LHFPL3: variants seen among roughly 807,000 people sequenced by gnomAD.
LHFPL3 encodes LHFPL tetraspan subfamily member 3 protein.
LHFPL3 carries 5 observed loss-of-function variants against 19.3 expected under a neutral mutation model. That is an observed-to-expected ratio of 0.26 (90% confidence interval 0.14 to 0.54). The LOEUF (loss-of-function observed/expected upper bound fraction) is 0.54, where lower values mean the gene tolerates loss of function less well. Among genes scored for constraint, LHFPL3 ranks in the 20% least tolerant of loss-of-function variants. The pLI is 0.94. For synonymous variants in LHFPL3, 133 were observed against 126.2 expected, an observed-to-expected ratio of 1.05 and a Z score of -0.36; for missense variants, 249 against 307.4, an observed-to-expected ratio of 0.81 and a Z score of 1.42.
chr7:104,714,939 AT>A (rs1158877553), intron 1 of LHFPL3, among the ~76,000 whole-genome samples: 1 of 152,186 alleles, frequency 6.6e-6, no homozygotes, highest in Non-Finnish European at 1.5e-5. Flanking sequence ...ACATATATAC[AT>A]ATCTATATTT....
intron 1 of LHFPL3, among the ~76,000 whole-genome samples, chr7:104,498,430 G>A (rs1484079142): frequency 6.6e-6 from 1 of 151,578 alleles, no homozygotes; most frequent in African/African-American, 2.4e-5. Context: ...ACATTTAATC[G>A]CCAGTGAATT....
At chr7:104,738,177 C>T (rs1424855619) in intron 2 of LHFPL3, among the ~76,000 whole-genome samples, 1 of 152,132 alleles carries the variant, frequency 6.6e-6, no homozygotes, top group Admixed American at 6.6e-5. Context: ...GGGAGTGGTG[C>T]TGAAACTTCC....
At chr7:104,583,606 A>G (rs1790505998) in intron 1 of LHFPL3, among the ~76,000 whole-genome samples, 1 of 152,192 alleles carries the variant, frequency 6.6e-6, no homozygotes, top group Admixed American at 6.5e-5. Context: ...ACCCAAACAA[A>G]TTTACAAGAA....
intron 1 of LHFPL3, among the ~76,000 whole-genome samples, chr7:104,392,761 G>C (rs543360489): frequency 3.9e-5 from 6 of 152,248 alleles, no homozygotes; most frequent in South Asian, 2.1e-4. Context: ...AGAAGGAATG[G>C]TACCAGCTCC....
At chr7:104,510,944 T>C (rs1038089888) in intron 1 of LHFPL3, among the ~76,000 whole-genome samples, 1 of 151,970 alleles carries the variant, frequency 6.6e-6, no homozygotes, top group Non-Finnish European at 1.5e-5. Flanking sequence ...AAAATAACTA[T>C]TGGGTACTAG....
intron 1 of LHFPL3, among the ~76,000 whole-genome samples, chr7:104,538,368 G>A (rs34386508): frequency 0.012 from 1,817 of 152,242 alleles, 14 homozygotes; most frequent in East Asian, 0.027. Flanking sequence ...GCTGAGTTAC[G>A]AAAGCTAGAG....
chr7:104,851,025 C>A (rs1562814332), intron 2 of LHFPL3, among the ~76,000 whole-genome samples: 1 of 152,164 alleles, frequency 6.6e-6, no homozygotes, highest in Non-Finnish European at 1.5e-5. Flanking sequence ...AGGAATAGCA[C>A]CACCTTTGCT....
intron 2 of LHFPL3, among the ~76,000 whole-genome samples, chr7:104,876,669 C>T (rs1791948516): frequency 6.6e-6 from 1 of 151,914 alleles, no homozygotes; most frequent in Admixed American, 6.6e-5. Flanking sequence ...CACTTTTACA[C>T]TGTTGGTGGG....
chr7:104,713,354 A>G (rs1189719142), intron 1 of LHFPL3, among the ~76,000 whole-genome samples: 1 of 152,242 alleles, frequency 6.6e-6, no homozygotes, highest in East Asian at 1.9e-4. Context: ...GGTAATTTAT[A>G]AAGAAAAGAG....
At chr7:104,460,772 A>T (rs1792646366) in intron 1 of LHFPL3, among the ~76,000 whole-genome samples, 1 of 151,604 alleles carries the variant, frequency 6.6e-6, no homozygotes. Context: ...GTTTGCAAAA[A>T]TTTTCTTCCA....
chr7:104,666,509 A>ATTTTTTTTTTTTTTTTTTTTTTTT (rs1315147894), intron 1 of LHFPL3, among the ~76,000 whole-genome samples: 1 of 44,162 alleles, frequency 2.3e-5, no homozygotes, highest in African/African-American at 7.2e-5. Context: ...ACAGGATTTC[A>ATTTTTTTTTTTTTTTTTTTTTTTT]TTCTTTTTTT....
At chr7:104,346,657 G>A (rs1790072675) in intron 1 of LHFPL3, among the ~76,000 whole-genome samples, 1 of 143,132 alleles carries the variant, frequency 7.0e-6, no homozygotes, top group South Asian at 2.3e-4. Flanking sequence ...ACACACGTAT[G>A]TAGTGTAGTA....
At chr7:104,571,602 G>C (rs1375060476) in intron 1 of LHFPL3, among the ~76,000 whole-genome samples, 1 of 152,096 alleles carries the variant, frequency 6.6e-6, no homozygotes, top group Non-Finnish European at 1.5e-5. Context: ...CTGATGGGTC[G>C]GGTTATATGA....
intron 2 of LHFPL3, among the ~76,000 whole-genome samples, chr7:104,800,774 G>T (rs1030281170): frequency 2.0e-5 from 3 of 152,050 alleles, no homozygotes; most frequent in Non-Finnish European, 4.4e-5. Context: ...AGCTGGAAAA[G>T]TTGGCGCAGG....
rs760902703 is a variant in LHFPL3, at chr7:104,545,918, A to G, written c.446-190757A>G. Among the ~76,000 whole-genome samples, 6 of 152,190 alleles carry G rather than the reference A, an allele frequency of 3.9e-5. No homozygotes were observed. The South Asian group carries it at 1.0e-3, about 26-fold the overall frequency. On this transcript the variant is annotated intron_variant, in intron 1 of 2. Coordinates refer to ENST00000424859, the MANE Select transcript of LHFPL3 (RefSeq NM_199000.3). ...CAAGCATCTCTCTCTTCTGCAAGGT[A>G]TAGAGATGCATTTTCCCTTTCTATC...
chr7:104,807,011 A>ATATGTGTGTGTGTGTGTGTG (rs1377044318), intron 2 of LHFPL3, among the ~76,000 whole-genome samples: 4 of 139,672 alleles, frequency 2.9e-5, no homozygotes, highest in Admixed American at 7.4e-5. Flanking sequence ...CAAAATATAT[A>ATATGTGTGTGTGTGTGTGTG]TGTGTGTGTG....
At chr7:104,403,517 T>C (rs771124239) in intron 1 of LHFPL3, among the ~76,000 whole-genome samples, 1 of 152,240 alleles carries the variant, frequency 6.6e-6, no homozygotes, top group Non-Finnish European at 1.5e-5. Context: ...ATGCAAATAG[T>C]GATGGAGCCA....
chr7:104,628,152 A>G (rs1409004994), intron 1 of LHFPL3, among the ~76,000 whole-genome samples: 1 of 152,182 alleles, frequency 6.6e-6, no homozygotes. Context: ...AGCTGTTCTC[A>G]TGTCCACTGA....
At chr7:104,653,942 A>T (rs565986580) in intron 1 of LHFPL3, among the ~76,000 whole-genome samples, 1 of 152,154 alleles carries the variant, frequency 6.6e-6, no homozygotes, top group Non-Finnish European at 1.5e-5. Flanking sequence ...TTCCCTAAAG[A>T]CAGCACTTTT....
Sources: allele counts gnomAD v4.1 joint callset (sites outside exome capture counted in the v4.1 genomes callset), GRCh38; gene constraint gnomAD v4.1.1; transcripts MANE v1.5; gene names NCBI Gene and HGNC (gene_info 2026-07-23, HGNC 2026-07-21).